The following ARHGAP18 variants were observed in gnomAD, a reference collection of about 807,000 sequenced individuals.
ARHGAP18 encodes Rho GTPase activating protein 18, also known as rho GTPase-activating protein 18.
Under a neutral mutation model 86.2 loss-of-function variants are expected in ARHGAP18, and 67 were observed. That is an observed-to-expected ratio of 0.78 (90% confidence interval 0.64 to 0.95). The LOEUF (loss-of-function observed/expected upper bound fraction) is 0.95, where lower values mean the gene tolerates loss of function less well. Among genes scored for constraint, ARHGAP18 ranks in the 40% least tolerant of loss-of-function variants. The pLI is 0.00. For missense variants in ARHGAP18, 691 were observed against 780.4 expected (o/e 0.89, Z 1.37); for synonymous variants, 283 against 280.4 (o/e 1.01, Z -0.09).
At chr6:129,614,377 G>A (rs1398177651) in intron 7 of ARHGAP18, among the ~76,000 whole-genome samples, 2 of 152,118 alleles carry the variant, frequency 1.3e-5, no homozygotes, top group Non-Finnish European at 2.9e-5. Context: ...GCAAACAGAT[G>A]AGTGTTATCT....
intron 1 of ARHGAP18, among the ~76,000 whole-genome samples, chr6:129,692,164 C>T (rs941967371): frequency 6.6e-6 from 1 of 152,210 alleles, no homozygotes; most frequent in East Asian, 1.9e-4. Flanking sequence ...GGCCTACTGG[C>T]CTAAGTCAAA....
Position 129,625,012 on chromosome 6 carries a change from AAT to A in ARHGAP18, c.786+4339_786+4340del, listed in dbSNP as rs1475875420. ...TATTATATATGATATATATTTATAT[AAT>A]ATATATGATATATGATATATATTTA... On this transcript the variant is annotated intron_variant, in intron 5 of 14. Transcript: ENST00000368149. Among the ~76,000 whole-genome samples the A allele has an allele frequency of 3.5e-5, 3 of 85,218 alleles. 1 individual carries two copies. The highest frequency in any genetic ancestry group is 1.2e-4 in the African/African-American group (3 of 24,698). 55.9% of individuals were successfully genotyped at this position (85,218 alleles called of 152,430 possible).
chr6:129,609,138 A>T (rs1207759488), intron 8 of ARHGAP18, among the ~76,000 whole-genome samples: 2 of 151,898 alleles, frequency 1.3e-5, no homozygotes, highest in Non-Finnish European at 2.9e-5. Flanking sequence ...ATGAGGGAGG[A>T]AAGGACAACA....
intron 1 of ARHGAP18, among the ~76,000 whole-genome samples, chr6:129,658,896 CAA>C (rs1773894421): frequency 6.6e-6 from 1 of 151,984 alleles, no homozygotes; most frequent in African/African-American, 2.4e-5. Flanking sequence ...GGAGGTGCTT[CAA>C]ATATGAGAAA....
rs10688716 is a variant in ARHGAP18 at position 129,676,915 on chromosome 6, C to CTTTTTTTTTTTTTTTT, written c.113+33093_113+33108dup. ...AAACAGATGAAAAATTTTTTGTCCT[C>CTTTTTTTTTTTTTTTT]TTTTTTTTTTTTTTTTTTTTTTTTT... On this transcript the variant is annotated intron_variant, in intron 1 of 14. Transcript: ENST00000368149. Among the ~76,000 whole-genome samples, 27 of 37,992 alleles carry CTTTTTTTTTTTTTTTT rather than the reference C, an allele frequency of 7.1e-4. 4 individuals are homozygous for CTTTTTTTTTTTTTTTT. The highest frequency in any genetic ancestry group is 1.8e-3 in the African/African-American group (26 of 14,518). 24.9% of individuals were successfully genotyped at this position (37,992 alleles called of 152,430 possible). A position where few individuals can be genotyped will look rare whatever the true frequency, so the allele number is the denominator to read the frequency against.
intron 1 of ARHGAP18, among the ~76,000 whole-genome samples, chr6:129,655,597 G>A (rs1283875918): frequency 6.6e-6 from 1 of 151,620 alleles, no homozygotes; most frequent in Non-Finnish European, 1.5e-5. Context: ...ACTTTTTCTT[G>A]TTCTTTTTTT....
intron 1 of ARHGAP18, among the ~76,000 whole-genome samples, chr6:129,644,820 C>A (rs936284979): frequency 6.6e-6 from 1 of 152,138 alleles, no homozygotes; most frequent in African/African-American, 2.4e-5. Context: ...TGAGTAACAC[C>A]ATTGTTACAT....
chr6:129,641,900 A>C lies in ARHGAP18; in HGVS notation c.232T>G (p.Tyr78Asp), dbSNP rs754273630. ...TTGATGTTTTCTAGTTCTATCCAAT[A>C]GTCTTCCATAGATAGTTCATCCAAA... ...DSLDELSMED[Y>D]WIELENIKKS... The change falls in exon 2 of 15, where the codon TAT becomes GAT. Residue 78 changes from tyrosine (Y) to aspartate (D), a missense_variant. Tyr to Asp is a radical substitution (Grantham distance 160, BLOSUM62 -3). Transcript: ENST00000368149. 6.2e-7 allele frequency: 1 copy of C among 1,613,914 alleles called. No homozygotes were observed. The highest frequency in any genetic ancestry group is 8.5e-7 in the Non-Finnish European group (1 of 1,179,840).
chr6:129,651,386 T>C (rs1773707552), intron 1 of ARHGAP18, among the ~76,000 whole-genome samples: 2 of 152,194 alleles, frequency 1.3e-5, no homozygotes, highest in African/African-American at 2.4e-5. Flanking sequence ...GCTCAGAGTT[T>C]TTTTAAGCAC....
At chr6:129,622,661 G>A (rs752555830) in intron 5 of ARHGAP18, among the ~76,000 whole-genome samples, 6 of 152,076 alleles carry the variant, frequency 3.9e-5, no homozygotes, top group Non-Finnish European at 8.8e-5. Context: ...AGAAAGCAGT[G>A]AAATTTCAGC....
At chr6:129,690,517 G>C (rs991092701) in intron 1 of ARHGAP18, among the ~76,000 whole-genome samples, 4 of 152,010 alleles carry the variant, frequency 2.6e-5, no homozygotes, top group African/African-American at 9.7e-5. Flanking sequence ...TTACTCACAA[G>C]TACAATTTTA....
chr6:129,580,959 TTA>T (rs1788274503), intron 13 of ARHGAP18, among the ~76,000 whole-genome samples: 1 of 152,124 alleles, frequency 6.6e-6, no homozygotes, highest in South Asian at 2.1e-4. Context: ...TGGAAGCAAA[TTA>T]TGTCATTATC....
chr6:129,579,658 A>T (rs1788247764), intron 14 of ARHGAP18, among the ~76,000 whole-genome samples: 1 of 152,230 alleles, frequency 6.6e-6, no homozygotes, highest in South Asian at 2.1e-4. Context: ...CAGGAAATCA[A>T]CTATGGCAAA....
chr6:129,664,910 A>C (rs1026709287), intron 1 of ARHGAP18, among the ~76,000 whole-genome samples: 1 of 152,186 alleles, frequency 6.6e-6, no homozygotes, highest in African/African-American at 2.4e-5. Flanking sequence ...ATGACACTTG[A>C]GCAGAGACCT....
chr6:129,695,706 C>T (rs2114550792), intron 1 of ARHGAP18, among the ~76,000 whole-genome samples: 1 of 152,302 alleles, frequency 6.6e-6, no homozygotes, highest in Admixed American at 6.5e-5. Flanking sequence ...ATCATTTCTA[C>T]AGACAAATGA....
chr6:129,676,333 G>A (rs767895011), intron 1 of ARHGAP18, among the ~76,000 whole-genome samples: 1 of 152,154 alleles, frequency 6.6e-6, no homozygotes, highest in Non-Finnish European at 1.5e-5. Flanking sequence ...AGTTGCAGAG[G>A]GGGGGCAACA....
intron 1 of ARHGAP18, among the ~76,000 whole-genome samples, chr6:129,662,901 T>C (rs1364651080): frequency 6.6e-6 from 1 of 152,202 alleles, no homozygotes; most frequent in Non-Finnish European, 1.5e-5. Flanking sequence ...TATCATGCAT[T>C]TGAAATGTAA....
chr6:129,601,231 T>C (rs1247782914), intron 10 of ARHGAP18, among the ~76,000 whole-genome samples: 2 of 152,218 alleles, frequency 1.3e-5, no homozygotes, highest in African/African-American at 4.8e-5. Flanking sequence ...TAGAGATTTT[T>C]AAAAATTCCC....
intron 13 of ARHGAP18, among the ~76,000 whole-genome samples, chr6:129,582,260 A>G (rs1245994303): frequency 2.0e-5 from 3 of 152,218 alleles, no homozygotes; most frequent in African/African-American, 4.8e-5. Flanking sequence ...GGTGCTTTCT[A>G]TAACAATATG....
Sources: allele counts gnomAD v4.1 joint callset (sites outside exome capture counted in the v4.1 genomes callset), GRCh38; gene constraint gnomAD v4.1.1; transcripts MANE v1.5; gene names NCBI Gene and HGNC (gene_info 2026-07-23, HGNC 2026-07-21).